NPAS3: variants seen among roughly 807,000 people sequenced by gnomAD.
The protein encoded by NPAS3 is neuronal PAS domain-containing protein 3.
In NPAS3, 14 loss-of-function variants were observed where a neutral mutation model predicts 73.1. The ratio of observed to expected loss-of-function variants is 0.19; its 90% CI spans 0.13 to 0.30. NPAS3 has a LOEUF of 0.30. NPAS3 is among the 10% of genes least tolerant of loss of function. The pLI, the probability that NPAS3 is intolerant of heterozygous loss-of-function variation, is 1.00. For synonymous variants in NPAS3, 620 were observed against 541.5 expected, an observed-to-expected ratio of 1.14 and a Z score of -2.01; for missense variants, 1,096 against 1,250.0, an observed-to-expected ratio of 0.88 and a Z score of 1.86.
In NPAS3 at chr14:33,716,903, A is replaced by G. The variant is rs533672461; in HGVS notation, c.734-18311A>G. ...ATTTCCTTTACATCTCTCATTTCTT[A>G]TATCCATATATAATCTTTACATTTT... On this transcript the variant is annotated intron_variant, in intron 6 of 11. Transcript: ENST00000356141. 1.1e-3 allele frequency among the ~76,000 whole-genome samples: 170 copies of G among 152,114 alleles called. 3 individuals are homozygous for G. In the South Asian group the frequency reaches 0.034, roughly 31 times the overall value.
intron 4 of NPAS3, among the ~76,000 whole-genome samples, chr14:33,383,004 T>A (rs2581481): frequency 0.25 from 36,794 of 149,784 alleles, 4,740 homozygotes; most frequent in African/African-American, 0.29. Flanking sequence ...GGAAAATTGC[T>A]GGAGCTGAGG....
At chr14:33,050,070 G>C (rs548130693) in intron 1 of NPAS3, among the ~76,000 whole-genome samples, 81 of 152,158 alleles carry the variant, frequency 5.3e-4, no homozygotes, top group African/African-American at 1.7e-3. Context: ...TACAATCTAG[G>C]GGGGAAAGTC....
At chr14:33,128,465 G>A (rs1171053573) in intron 2 of NPAS3, among the ~76,000 whole-genome samples, 1 of 152,126 alleles carries the variant, frequency 6.6e-6, no homozygotes, top group East Asian at 1.9e-4. Flanking sequence ...AGAAGCATGT[G>A]TTGTATAAAG....
chr14:33,535,289 T>G (rs1263411409), intron 4 of NPAS3, among the ~76,000 whole-genome samples: 1 of 152,204 alleles, frequency 6.6e-6, no homozygotes, highest in African/African-American at 2.4e-5. Context: ...GCATATGACT[T>G]TCTAAATAGG....
intron 4 of NPAS3, among the ~76,000 whole-genome samples, chr14:33,376,707 C>A (rs2046328236): frequency 6.6e-6 from 1 of 152,176 alleles, no homozygotes; most frequent in South Asian, 2.1e-4. Flanking sequence ...ATCCAGCCAA[C>A]ATGAGTTTAT....
At chr14:33,064,311 A>G (rs1472853599) in intron 2 of NPAS3, among the ~76,000 whole-genome samples, 2 of 152,258 alleles carry the variant, frequency 1.3e-5, no homozygotes, top group Non-Finnish European at 2.9e-5. Context: ...TTTAATGAGA[A>G]GATAAACAAT....
chr14:33,596,674 A>G (rs1595239414), intron 5 of NPAS3, among the ~76,000 whole-genome samples: 2 of 152,324 alleles, frequency 1.3e-5, no homozygotes, highest in East Asian at 1.9e-4. Context: ...AAAGATTTGT[A>G]TTACAATGCA....
At chr14:33,308,565 TTATATATATGTATATC>T (rs1393161704) in intron 3 of NPAS3, among the ~76,000 whole-genome samples, 1 of 44,256 alleles carries the variant, frequency 2.3e-5, no homozygotes, top group African/African-American at 1.7e-4. Context: ...CATACATACA[TTATATATATGTATATC>T]TATATATATG....
chr14:33,173,505 T>A (rs899041915), intron 2 of NPAS3, among the ~76,000 whole-genome samples: 69 of 152,078 alleles, frequency 4.5e-4, no homozygotes, highest in Non-Finnish European at 7.2e-4. Context: ...GTTTATTTTT[T>A]AAAAAAAACT....
In NPAS3 at chr14:33,800,239, G is replaced by A. The variant is rs779982310; in HGVS notation, c.1932G>A (p.Ser644=). ...TGCTGTCCTCCCCCAACAGTGCCTCGGTGCTCAAGATCAAGACGGAGATCT... is the reference window on the plus strand; with the variant it reads ...TGCTGTCCTCCCCCAACAGTGCCTCAGTGCTCAAGATCAAGACGGAGATCT... Residue 644 remains serine, a synonymous_variant, in exon 12 of 12, where the codon TCG becomes TCA. Coordinates refer to ENST00000356141, the Ensembl canonical transcript of NPAS3. This position sits in a 1 kb window ranked among gnomAD's most constrained non-coding sequence, Gnocchi z 6.5. The A allele has an allele frequency of 4.3e-6, 7 of 1,612,994 alleles. No homozygotes were observed. Among genetic ancestry groups the A allele is most frequent in the African/African-American group, 4.0e-5 (3 of 74,892 alleles).
chr14:33,195,726 C>T (rs1174961091), intron 2 of NPAS3, among the ~76,000 whole-genome samples: 1 of 152,174 alleles, frequency 6.6e-6, no homozygotes, highest in Non-Finnish European at 1.5e-5. Context: ...AAGCGTAGAG[C>T]TGAAATTATA....
chr14:33,291,194 C>A (rs1243302811), intron 3 of NPAS3, among the ~76,000 whole-genome samples: 3 of 152,054 alleles, frequency 2.0e-5, no homozygotes, highest in African/African-American at 7.2e-5. Flanking sequence ...GCTTCCAGTT[C>A]TAGAGCTTAA....
intron 3 of NPAS3, among the ~76,000 whole-genome samples, chr14:33,361,356 A>G (rs551057732): frequency 6.6e-6 from 1 of 152,238 alleles, no homozygotes; most frequent in African/African-American, 2.4e-5. Context: ...CAAAAATCAT[A>G]TGAATACTAT....
intron 2 of NPAS3, among the ~76,000 whole-genome samples, chr14:33,091,007 T>A (rs918387497): frequency 1.9e-4 from 29 of 152,206 alleles, no homozygotes; most frequent in African/African-American, 7.0e-4. Flanking sequence ...GACGGAAATT[T>A]ATAGCACTAA....
At chr14:33,778,416 C>A (rs2062884812) in intron 8 of NPAS3, 50 bp from the exon 9 acceptor site, 3 of 1,294,880 alleles carry the variant, frequency 2.3e-6, no homozygotes, top group African/African-American at 1.5e-5. Context: ...TTGACAGTTT[C>A]TTTATATTTC....
chr14:33,038,530 C>CAT (rs1566492109), intron 1 of NPAS3, among the ~76,000 whole-genome samples: 1 of 100,566 alleles, frequency 9.9e-6, no homozygotes, highest in Non-Finnish European at 1.9e-5. Flanking sequence ...TATATACACA[C>CAT]ATATATACAC....
chr14:33,018,702 T>C (rs1336174329), intron 1 of NPAS3, among the ~76,000 whole-genome samples: 1 of 152,342 alleles, frequency 6.6e-6, no homozygotes, highest in Non-Finnish European at 1.5e-5. Flanking sequence ...TTCAGTGTTA[T>C]TGGGAAAACC....
chr14:33,319,169 G>T (rs920617216), intron 3 of NPAS3, among the ~76,000 whole-genome samples: 2 of 151,782 alleles, frequency 1.3e-5, no homozygotes, highest in African/African-American at 4.8e-5. Flanking sequence ...GTCTCTGGGT[G>T]GTGAGACTTC....
chr14:33,439,144 T>C (rs1424097560), intron 4 of NPAS3, among the ~76,000 whole-genome samples: 2 of 152,192 alleles, frequency 1.3e-5, no homozygotes, highest in Non-Finnish European at 2.9e-5. Context: ...GTTTTTCTAA[T>C]ACATCTTCAC....
Sources: gnomAD v4.1 joint callset for allele counts (sites outside exome capture counted in the v4.1 genomes callset) on GRCh38, gnomAD v4.1.1 for gene constraint, Gnocchi (gnomAD v3.1) non-coding constraint, MANE v1.5 for transcripts, NCBI Gene and HGNC (gene_info 2026-07-23, HGNC 2026-07-21) for gene names.